Variants in HLCS observed in about 807,000 individuals in gnomAD.
The protein encoded by HLCS is holocarboxylase synthetase, also known as biotin--protein ligase.
A neutral mutation model predicts 75.0 loss-of-function variants in HLCS; 53 were observed. That is an observed-to-expected ratio of 0.71 (90% CI 0.57 to 0.89). HLCS has a LOEUF of 0.89. Ranked by LOEUF, HLCS falls within the 40% of genes least tolerant of loss-of-function variation. The pLI, the probability that HLCS is intolerant of heterozygous loss-of-function variation, is 0.00. For missense variants in HLCS, 966 were observed against 1,074.0 expected (o/e 0.90, Z 1.41); for synonymous variants, 431 against 428.6 (o/e 1.01, Z -0.07).
At chr21:36,883,306 A>C (rs1200701214) in intron 6 of HLCS, among the ~76,000 whole-genome samples, 1 of 152,248 alleles carries the variant, frequency 6.6e-6, no homozygotes, top group Non-Finnish European at 1.5e-5. Flanking sequence ...CACAAAGCTA[A>C]GTCAGGGGAG....
intron 6 of HLCS, among the ~76,000 whole-genome samples, chr21:36,789,519 T>C (rs979661525): frequency 6.6e-6 from 1 of 152,238 alleles, no homozygotes; most frequent in African/African-American, 2.4e-5. Context: ...GAAATTTCCA[T>C]GTAATCTGTA....
intron 6 of HLCS, among the ~76,000 whole-genome samples, chr21:36,847,874 C>A (rs909881117): frequency 6.6e-6 from 1 of 152,164 alleles, no homozygotes; most frequent in Admixed American, 6.5e-5. Flanking sequence ...AAAATTCTCT[C>A]ATCTTCTTTC....
At chr21:36,977,926 C>T (rs1298539808) in intron 1 of HLCS, among the ~76,000 whole-genome samples, 2 of 152,202 alleles carry the variant, frequency 1.3e-5, no homozygotes, top group African/African-American at 2.4e-5. Flanking sequence ...AAGGGCAACG[C>T]GCTTTCACTT....
At chr21:36,846,020 T>C (rs1180490784) in intron 6 of HLCS, among the ~76,000 whole-genome samples, 1 of 152,302 alleles carries the variant, frequency 6.6e-6, no homozygotes, top group South Asian at 2.1e-4. Flanking sequence ...AAAATGGGAA[T>C]ATTGCCATTT....
At chr21:36,916,512 T>G (rs2065936172) in intron 5 of HLCS, among the ~76,000 whole-genome samples, 1 of 146,684 alleles carries the variant, frequency 6.8e-6, no homozygotes, top group Non-Finnish European at 1.5e-5. Context: ...CCATCATGCC[T>G]AGCTAATTTT....
At position 36,905,697 on chromosome 21, in the gene HLCS, T is replaced by A. The variant is rs539845523; in HGVS notation, c.1621-8566A>T. On this transcript the variant is annotated intron_variant, in intron 5 of 10. Transcript: ENST00000674895. ...CACAGGACATGAAAATCCAAAGGAA[T>A]CTTAAAAAAAAAAATAGAACTAATA... is the stretch of plus-strand genomic sequence containing the variant. Among the ~76,000 whole-genome samples, 3 of 151,696 alleles carry A rather than the reference T, an allele frequency of 2.0e-5. No homozygotes were observed. In the East Asian group the frequency reaches 5.8e-4, roughly 29 times the overall value.
chr21:36,855,503 ACTC>A (rs796719147), intron 6 of HLCS, among the ~76,000 whole-genome samples: 43 of 141,272 alleles, frequency 3.0e-4, no homozygotes, highest in African/African-American at 1.1e-3. Flanking sequence ...ACACCACTGC[ACTC>A]CAGCCTGGGC....
At chr21:36,778,031 C>T (rs901655624) in intron 6 of HLCS, among the ~76,000 whole-genome samples, 3 of 152,094 alleles carry the variant, frequency 2.0e-5, no homozygotes, top group Non-Finnish European at 2.9e-5. Flanking sequence ...TGCAGTGGCA[C>T]GATCTCAGCT....
chr21:36,790,000 T>C (rs377372519), intron 6 of HLCS, among the ~76,000 whole-genome samples: 133 of 152,378 alleles, frequency 8.7e-4, no homozygotes, highest in African/African-American at 3.1e-3. Flanking sequence ...TGATGCCTAC[T>C]GCCACACTGC....
intron 1 of HLCS, among the ~76,000 whole-genome samples, chr21:36,972,551 A>G (rs2068819703): frequency 6.6e-6 from 1 of 152,216 alleles, no homozygotes; most frequent in Non-Finnish European, 1.5e-5. Flanking sequence ...TCTGATGGAC[A>G]ATGGCCTCAG....
chr21:36,933,884 G>A lies in HLCS; in HGVS notation c.1437+2565C>T, dbSNP rs183254705. On this transcript the variant is annotated intron_variant, in intron 4 of 10. Transcript: ENST00000674895. ...TATGAACTCGTTTTCACATGAGAAC[G>A]ATGCCAGGACGGAAAACAGGATGGC... 2.0e-5 allele frequency among the ~76,000 whole-genome samples: 3 copies of A among 152,292 alleles called. No homozygotes were observed. The East Asian group carries it at 5.8e-4, about 29-fold the overall frequency.
At chr21:36,937,458 T>C in intron 3 of HLCS, 66 bp from the exon 4 acceptor site, 1 of 1,307,084 alleles carries the variant, frequency 7.7e-7, no homozygotes, top group Admixed American at 1.8e-5. Context: ...ACATAGCTCA[T>C]CTCAAGAATC....
chr21:36,952,066 T>C (rs1160526147), intron 2 of HLCS, among the ~76,000 whole-genome samples: 1 of 152,224 alleles, frequency 6.6e-6, no homozygotes, highest in East Asian at 1.9e-4. Flanking sequence ...AAGAGTTGTA[T>C]AGTCTTAAAG....
At position 36,838,298 on chromosome 21, in the gene HLCS, T is replaced by TCACACA. The variant is rs148428941; in HGVS notation, c.1892+58556_1892+58561dup. On this transcript the variant is annotated intron_variant, in intron 6 of 10. Coordinates refer to ENST00000674895, the MANE Select transcript of HLCS (RefSeq NM_001352514.2). ...TTTCTTTCTGCAGTGGGGTGAATGATCACACACACACACACACACACACAC... is the reference window on the plus strand; with the variant it reads ...TTTCTTTCTGCAGTGGGGTGAATGATCACACACACACACACACACACACACACACAC... Among the ~76,000 whole-genome samples the TCACACA allele has an allele frequency of 6.1e-3, 776 of 127,334 alleles. 4 individuals are homozygous for TCACACA. The highest frequency in any genetic ancestry group is 0.019 in the Middle Eastern group (5 of 262). 83.5% of individuals were successfully genotyped at this position (127,334 alleles called of 152,430 possible). A position where few individuals can be genotyped will look rare whatever the true frequency, so the allele number is the denominator to read the frequency against.
intron 2 of HLCS, among the ~76,000 whole-genome samples, chr21:36,949,755 T>G (rs971462903): frequency 5.3e-5 from 8 of 152,100 alleles, no homozygotes; most frequent in African/African-American, 1.9e-4. Context: ...ACAAGAGAGA[T>G]GTAGAGAGCA....
intron 2 of HLCS, among the ~76,000 whole-genome samples, chr21:36,951,157 A>C (rs896926859): frequency 6.6e-6 from 1 of 152,216 alleles, no homozygotes; most frequent in African/African-American, 2.4e-5. Flanking sequence ...AACTCAGCCT[A>C]TGAGCCTCTC....
intron 2 of HLCS, chr21:36,947,774 G>A (rs2067475012): frequency 2.0e-6 from 2 of 985,382 alleles, no homozygotes; most frequent in South Asian, 4.7e-5. Flanking sequence ...AACTAGCACA[G>A]GTGGCCCTGC....
At chr21:36,850,949 C>T (rs1004012392) in intron 6 of HLCS, among the ~76,000 whole-genome samples, 3 of 152,060 alleles carry the variant, frequency 2.0e-5, no homozygotes, top group South Asian at 4.1e-4. Context: ...AGGGGTGAGG[C>T]GAGGATATGC....
rs35955622 is a variant in HLCS at position 36,751,019 on chromosome 21, CA to C, written c.*3226del. ...CTGAATACATTTGTCAATAATACGTCAAAAAAAAAAACACTTGGCTTCTTAA... is the reference window on the plus strand; with the variant it reads ...CTGAATACATTTGTCAATAATACGTCAAAAAAAAAACACTTGGCTTCTTAA... On this transcript the variant is annotated 3_prime_UTR_variant, in exon 11 of 11. Coordinates refer to ENST00000674895, the MANE Select transcript of HLCS (RefSeq NM_001352514.2). 367 of 139,370 alleles carry C rather than the reference CA, an allele frequency of 2.6e-3. 1 individual carries two copies. Among genetic ancestry groups the C allele is most frequent in the Middle Eastern group, 3.7e-3 (1 of 272 alleles). The allele number at this position is 139,370 out of a possible 1,614,324, so 8.6% of individuals were successfully genotyped here.
Sources: allele counts gnomAD v4.1 joint callset (sites outside exome capture counted in the v4.1 genomes callset), GRCh38; gene constraint gnomAD v4.1.1; transcripts MANE v1.5; gene names NCBI Gene and HGNC (gene_info 2026-07-23, HGNC 2026-07-21).